The following FUT9 variants were observed in gnomAD, a reference collection of about 807,000 sequenced individuals.
FUT9 encodes the protein 4-galactosyl-N-acetylglucosaminide 3-alpha-L-fucosyltransferase 9.
FUT9 carries 15 observed loss-of-function variants against 29.7 expected under a neutral mutation model. That is an observed-to-expected ratio of 0.51 (90% CI 0.34 to 0.78). FUT9 has a LOEUF of 0.78. FUT9 is among the 30% of genes least tolerant of loss of function. The probability of loss-of-function intolerance (pLI) is 0.01; values close to 1 mark genes in which losing one functional copy is unlikely to be tolerated. For missense variants in FUT9, 319 were observed against 425.4 expected, an observed-to-expected ratio of 0.75 and a Z score of 2.20; for synonymous variants, 169 against 153.7, an observed-to-expected ratio of 1.10 and a Z score of -0.74.
intron 1 of FUT9, among the ~76,000 whole-genome samples, chr6:96,019,139 A>G (rs959804319): frequency 6.6e-6 from 1 of 151,918 alleles, no homozygotes; most frequent in Admixed American, 6.6e-5. Flanking sequence ...TGTGTAATCC[A>G]ATTGATGAAT....
At chr6:96,118,158 T>C (rs969076154) in intron 2 of FUT9, among the ~76,000 whole-genome samples, 1 of 149,298 alleles carries the variant, frequency 6.7e-6, no homozygotes, top group Non-Finnish European at 1.5e-5. Flanking sequence ...TGAGCCAAGA[T>C]TGCACCACTG....
At chr6:96,021,212 A>T (rs2127921153) in intron 1 of FUT9, among the ~76,000 whole-genome samples, 1 of 152,116 alleles carries the variant, frequency 6.6e-6, no homozygotes, top group East Asian at 1.9e-4. Context: ...TTAGTTCCTT[A>T]AAAAAAGCAA....
chr6:96,192,290 A>G (rs1157106819), intron 2 of FUT9, among the ~76,000 whole-genome samples: 1 of 152,196 alleles, frequency 6.6e-6, no homozygotes, highest in African/African-American at 2.4e-5. Context: ...ACATGATTGT[A>G]TATTTAGAAA....
intron 1 of FUT9, among the ~76,000 whole-genome samples, chr6:96,113,154 C>A (rs1268530710): frequency 1.3e-5 from 2 of 152,102 alleles, no homozygotes; most frequent in African/African-American, 2.4e-5. Flanking sequence ...ATCTTATACT[C>A]ACTTTCTTAG....
intron 2 of FUT9, among the ~76,000 whole-genome samples, chr6:96,193,942 C>A (rs1209275075): frequency 6.6e-6 from 1 of 152,124 alleles, no homozygotes; most frequent in Non-Finnish European, 1.5e-5. Context: ...TCTCAGCGAA[C>A]TATCGCAAGG....
At chr6:96,098,332 T>C (rs943016963) in intron 1 of FUT9, among the ~76,000 whole-genome samples, 2 of 152,124 alleles carry the variant, frequency 1.3e-5, no homozygotes, top group Non-Finnish European at 2.9e-5. Context: ...CAAACTCAAA[T>C]ACAGAGTTAT....
At chr6:96,036,032 T>C (rs1177319778) in intron 1 of FUT9, among the ~76,000 whole-genome samples, 2 of 128,882 alleles carry the variant, frequency 1.6e-5, no homozygotes, top group Non-Finnish European at 3.2e-5. Flanking sequence ...ATTAATATAA[T>C]ATAATACATT....
chr6:96,151,410 C>T (rs534587089), intron 2 of FUT9, among the ~76,000 whole-genome samples: 2 of 152,240 alleles, frequency 1.3e-5, no homozygotes, highest in Non-Finnish European at 2.9e-5. Flanking sequence ...TTATACTTGC[C>T]TTTCTTGTCC....
intron 1 of FUT9, among the ~76,000 whole-genome samples, chr6:96,074,610 C>T (rs1243898700): frequency 6.6e-6 from 1 of 151,954 alleles, no homozygotes; most frequent in Non-Finnish European, 1.5e-5. Flanking sequence ...TTCTTTTGAA[C>T]ATTAGGTTCA....
At chr6:96,144,213 T>G (rs895907744) in intron 2 of FUT9, among the ~76,000 whole-genome samples, 1 of 80,062 alleles carries the variant, frequency 1.2e-5, no homozygotes, top group African/African-American at 3.4e-5. Context: ...AAATCCTTTT[T>G]CTTCCTTAGT....
chr6:96,095,430 C>A (rs946371400), intron 1 of FUT9, among the ~76,000 whole-genome samples: 4 of 152,130 alleles, frequency 2.6e-5, no homozygotes, highest in African/African-American at 9.7e-5. Flanking sequence ...TAGGCTTGCC[C>A]CACCATTCAC....
At chr6:96,099,485 C>T (rs148297178) in intron 1 of FUT9, among the ~76,000 whole-genome samples, 12 of 152,186 alleles carry the variant, frequency 7.9e-5, no homozygotes, top group African/African-American at 2.6e-4. Flanking sequence ...AACAGTATCT[C>T]ATTAACACTT....
chr6:96,098,558 C>A (rs1188447853), intron 1 of FUT9, among the ~76,000 whole-genome samples: 1 of 152,106 alleles, frequency 6.6e-6, no homozygotes, highest in African/African-American at 2.4e-5. Context: ...CTGTTCTAGC[C>A]TGTGAAGCTC....
chr6:96,035,795 C>CATATAATATATTATATGTATTATAT (rs1770347112), intron 1 of FUT9, among the ~76,000 whole-genome samples: 1 of 110,832 alleles, frequency 9.0e-6, no homozygotes, highest in Non-Finnish European at 1.9e-5. Context: ...ATTTATTATA[C>CATATAATATATTATATGTATTATAT]TAATATAATA....
At chr6:96,119,937 C>G (rs1194232826) in intron 2 of FUT9, among the ~76,000 whole-genome samples, 1 of 151,936 alleles carries the variant, frequency 6.6e-6, no homozygotes, top group Non-Finnish European at 1.5e-5. Context: ...AGAAGATACA[C>G]CCAATAGAGA....
rs543019289 is a variant in FUT9, at chr6:96,034,895, G to A, written c.-98+18683G>A. On this transcript the variant is annotated intron_variant, in intron 1 of 2. Transcript: ENST00000302103. Reference sequence around the variant, plus strand: ...AAGAAAGATCAGTTTTGGAACAATGGCCTATTACAAAGCAGAAGCATGAGA... The same window carrying A: ...AAGAAAGATCAGTTTTGGAACAATGACCTATTACAAAGCAGAAGCATGAGA... Among the ~76,000 whole-genome samples, 43 of 151,756 alleles carry A rather than the reference G, an allele frequency of 2.8e-4. No individual in the cohort carries two copies. In the East Asian group the frequency reaches 6.8e-3, roughly 24 times the overall value.
At chr6:96,096,983 A>G (rs1193445810) in intron 1 of FUT9, among the ~76,000 whole-genome samples, 2 of 152,146 alleles carry the variant, frequency 1.3e-5, no homozygotes, top group African/African-American at 4.8e-5. Context: ...CACTTAAGCA[A>G]CAGTCATAGA....
intron 2 of FUT9, among the ~76,000 whole-genome samples, chr6:96,171,551 G>A (rs1423453895): frequency 6.6e-6 from 1 of 152,116 alleles, no homozygotes; most frequent in Non-Finnish European, 1.5e-5. Context: ...ACTCCTTCAA[G>A]CTCCTCCACT....
chr6:96,035,270 A>T (rs565782388), intron 1 of FUT9, among the ~76,000 whole-genome samples: 2 of 151,716 alleles, frequency 1.3e-5, no homozygotes, highest in East Asian at 3.9e-4. Flanking sequence ...AAGAGATCCT[A>T]TTTATTCTGG....
Sources: gnomAD v4.1 joint callset for allele counts (sites outside exome capture counted in the v4.1 genomes callset) on GRCh38, gnomAD v4.1.1 for gene constraint, MANE v1.5 for transcripts, NCBI Gene and HGNC (gene_info 2026-07-23, HGNC 2026-07-21) for gene names.